ATP8A2: variants seen among roughly 807,000 people sequenced by gnomAD.
ATP8A2 encodes the protein phospholipid-transporting ATPase IB.
Under a neutral mutation model 165.6 loss-of-function variants are expected in ATP8A2, and 100 were observed. The observed-to-expected ratio is 0.60, with a 90% CI of 0.51 to 0.71. The LOEUF (loss-of-function observed/expected upper bound fraction) is 0.71, where lower values mean the gene tolerates loss of function less well. ATP8A2 is among the 30% of genes least tolerant of loss of function. The probability of loss-of-function intolerance (pLI) is 0.00; values close to 1 mark genes in which losing one functional copy is unlikely to be tolerated. For synonymous variants in ATP8A2, 543 were observed against 548.8 expected (o/e 0.99, Z 0.15); for missense variants, 1,227 against 1,479.5 (o/e 0.83, Z 2.80).
chr13:25,651,591 A>G (rs1254238780), intron 24 of ATP8A2, among the ~76,000 whole-genome samples: 3 of 152,002 alleles, frequency 2.0e-5, no homozygotes, highest in Non-Finnish European at 4.4e-5. Flanking sequence ...TGACTATAGC[A>G]TCTCTCAGTT....
chr13:25,807,578 T>G (rs1290710635), intron 27 of ATP8A2, among the ~76,000 whole-genome samples: 1 of 152,198 alleles, frequency 6.6e-6, no homozygotes, highest in Non-Finnish European at 1.5e-5. Flanking sequence ...TAAAAACAAA[T>G]AGTGAGCACA....
chr13:25,699,996 G>T (rs1482407943), intron 25 of ATP8A2, among the ~76,000 whole-genome samples: 1 of 152,300 alleles, frequency 6.6e-6, no homozygotes, highest in African/African-American at 2.4e-5. Context: ...AGGTCACAGA[G>T]AGCTGGAGGG....
intron 1 of ATP8A2, among the ~76,000 whole-genome samples, chr13:25,463,130 T>TTTTC (rs1213665072): frequency 2.7e-5 from 4 of 149,752 alleles, no homozygotes; most frequent in African/African-American, 9.8e-5. Flanking sequence ...TGAAGTGTTT[T>TTTTC]TTTTTTTTTT....
chr13:25,450,801 G>C (rs2035204576), intron 1 of ATP8A2, among the ~76,000 whole-genome samples: 1 of 151,974 alleles, frequency 6.6e-6, no homozygotes, highest in Admixed American at 6.6e-5. Flanking sequence ...AAAGTGCTAG[G>C]ATTACAGGCT....
intron 24 of ATP8A2, among the ~76,000 whole-genome samples, chr13:25,630,071 C>T (rs892577981): frequency 2.6e-5 from 3 of 117,092 alleles, no homozygotes; most frequent in African/African-American, 1.1e-4. Flanking sequence ...TTTAAGACAC[C>T]TTTTTGTCCC....
At chr13:25,584,496 G>A (rs2039865346) in intron 23 of ATP8A2, among the ~76,000 whole-genome samples, 1 of 152,134 alleles carries the variant, frequency 6.6e-6, no homozygotes. Flanking sequence ...CCTTCTAGAT[G>A]AAAAAAGGGA....
chr13:25,680,805 C>T (rs982533197), intron 24 of ATP8A2, among the ~76,000 whole-genome samples: 25 of 152,156 alleles, frequency 1.6e-4, no homozygotes, highest in Admixed American at 1.3e-3. Context: ...TTTATCTCAG[C>T]GGCCCAGGCT....
intron 1 of ATP8A2, among the ~76,000 whole-genome samples, chr13:25,404,471 C>G (rs2033734846): frequency 6.6e-6 from 1 of 151,948 alleles, no homozygotes; most frequent in South Asian, 2.1e-4. Context: ...CCCTGGTTCA[C>G]CGTGGAGAGT....
At chr13:25,902,116 A>G (rs1953769510) in intron 33 of ATP8A2, among the ~76,000 whole-genome samples, 1 of 152,202 alleles carries the variant, frequency 6.6e-6, no homozygotes, top group South Asian at 2.1e-4. Flanking sequence ...TAAAAAGGAC[A>G]ATGAAAAAGT....
At chr13:25,825,832 T>A (rs1228925784) in intron 27 of ATP8A2, among the ~76,000 whole-genome samples, 1 of 152,056 alleles carries the variant, frequency 6.6e-6, no homozygotes, top group Non-Finnish European at 1.5e-5. Flanking sequence ...TGGTTCTTAG[T>A]TCTTCACCAA....
intron 27 of ATP8A2, among the ~76,000 whole-genome samples, chr13:25,790,215 A>G (rs1476277269): frequency 6.6e-6 from 1 of 152,242 alleles, no homozygotes; most frequent in Non-Finnish European, 1.5e-5. Context: ...AAAAGCAAAA[A>G]TTGACAAATG....
intron 23 of ATP8A2, among the ~76,000 whole-genome samples, chr13:25,589,061 A>G (rs2039998856): frequency 6.6e-6 from 1 of 152,222 alleles, no homozygotes; most frequent in Non-Finnish European, 1.5e-5. Context: ...AAAAATGAGA[A>G]GGAAATTGTT....
chr13:25,869,398 A>T lies in ATP8A2; in HGVS notation c.3183+6990A>T, dbSNP rs116604056. ...CTCCCGTTATCCTAATTGCCTCTGG[A>T]TTCTCTGGAATCCTCCTGGATTAAA... is the stretch of plus-strand genomic sequence containing the variant. On this transcript the variant is annotated intron_variant, in intron 33 of 36. Transcript: ENST00000381655. Among the ~76,000 whole-genome samples, 304 of 152,288 alleles carry T rather than the reference A, an allele frequency of 2.0e-3. 1 individual carries two copies. Among genetic ancestry groups the T allele is most frequent in the African/African-American group, 7.1e-3 (293 of 41,554 alleles).
chr13:25,449,664 A>G (rs1377504837), intron 1 of ATP8A2, among the ~76,000 whole-genome samples: 1 of 152,158 alleles, frequency 6.6e-6, no homozygotes, highest in African/African-American at 2.4e-5. Context: ...GACATCTCCA[A>G]GTATAATTGC....
At chr13:25,892,456 TTC>T (rs922946189) in intron 33 of ATP8A2, among the ~76,000 whole-genome samples, 2 of 125,366 alleles carry the variant, frequency 1.6e-5, no homozygotes, top group South Asian at 2.4e-4. Flanking sequence ...ATGGAAACAT[TTC>T]TCTCTCTCTC....
At chr13:25,579,980 A>G (rs1441586320) in intron 22 of ATP8A2, 33 bp downstream of exon 22, 6 of 1,609,760 alleles carry the variant, frequency 3.7e-6, no homozygotes, top group Non-Finnish European at 4.2e-6. Flanking sequence ...TTTCAGCTCC[A>G]TGAAGGACTT....
chr13:25,888,925 G>C (rs1953259284), intron 33 of ATP8A2, among the ~76,000 whole-genome samples: 1 of 151,776 alleles, frequency 6.6e-6, no homozygotes, highest in South Asian at 2.1e-4. Context: ...GAAATCACTA[G>C]TTTTTTTTCT....
intron 2 of ATP8A2, among the ~76,000 whole-genome samples, chr13:25,498,114 A>G (rs749698333): frequency 6.6e-6 from 1 of 152,206 alleles, no homozygotes; most frequent in African/African-American, 2.4e-5. Flanking sequence ...TGGGCACCCA[A>G]TACGGGGCAG....
At chr13:25,682,651 G>A (rs2042517182) in intron 24 of ATP8A2, among the ~76,000 whole-genome samples, 1 of 152,214 alleles carries the variant, frequency 6.6e-6, no homozygotes, top group Non-Finnish European at 1.5e-5. Context: ...CCCGAAGAAT[G>A]TTGAACCTGG....
Sources: allele counts gnomAD v4.1 joint callset (sites outside exome capture counted in the v4.1 genomes callset), GRCh38; gene constraint gnomAD v4.1.1; transcripts MANE v1.5; gene names NCBI Gene and HGNC (gene_info 2026-07-23, HGNC 2026-07-21).